Variants in CDC20B observed in about 807,000 individuals in gnomAD.
CDC20B encodes cell division cycle 20B.
CDC20B carries 58 observed loss-of-function variants against 64.1 expected under a neutral mutation model. The observed-to-expected ratio is 0.90, with a 90% CI of 0.73 to 1.13. CDC20B has a LOEUF of 1.13. Ranked by LOEUF, CDC20B falls within the 50% of genes most tolerant of loss-of-function variation. The pLI is 0.00. For missense variants in CDC20B, 597 were observed against 633.0 expected, an observed-to-expected ratio of 0.94 and a Z score of 0.61; for synonymous variants, 243 against 230.6, an observed-to-expected ratio of 1.05 and a Z score of -0.49.
chr5:55,140,010 C>T (rs563031886), intron 5 of CDC20B, among the ~76,000 whole-genome samples: 2 of 151,532 alleles, frequency 1.3e-5, no homozygotes, highest in African/African-American at 4.8e-5. Context: ...CTGAGCAACA[C>T]CAAAAACAAA....
chr5:55,172,868 G>T, intron 1 of CDC20B, 70 bp downstream of exon 1: 1 of 1,428,764 alleles, frequency 7.0e-7, no homozygotes, highest in Non-Finnish European at 9.5e-7. Flanking sequence ...GTCCTAAACA[G>T]ATATTATGAA....
At chr5:55,118,489 T>A (rs1742674224) in intron 11 of CDC20B, among the ~76,000 whole-genome samples, 1 of 152,212 alleles carries the variant, frequency 6.6e-6, no homozygotes, top group Admixed American at 6.5e-5. Context: ...GTACATTCTT[T>A]ATTCTAAGCA....
intron 2 of CDC20B, among the ~76,000 whole-genome samples, chr5:55,157,111 T>C (rs1162580455): frequency 1.3e-5 from 2 of 152,202 alleles, no homozygotes; most frequent in South Asian, 4.1e-4. Flanking sequence ...CTTGCCTTCA[T>C]CATGAACTCA....
intron 2 of CDC20B, among the ~76,000 whole-genome samples, chr5:55,161,899 G>A (rs1207550528): frequency 2.0e-5 from 3 of 152,116 alleles, no homozygotes; most frequent in African/African-American, 7.2e-5. Context: ...AGCTACCTGG[G>A]TTCAAACCCC....
intron 4 of CDC20B, among the ~76,000 whole-genome samples, chr5:55,143,014 T>A (rs1035844898): frequency 6.6e-6 from 1 of 151,846 alleles, no homozygotes; most frequent in East Asian, 1.9e-4. Context: ...CTATAATAAA[T>A]AAAAGATACC....
intron 5 of CDC20B, chr5:55,136,671 T>C (rs191287787): frequency 1.3e-5 from 2 of 152,264 alleles, no homozygotes; most frequent in Admixed American, 6.5e-5. Context: ...AAGCACCCCA[T>C]GGATATGCTT....
intron 8 of CDC20B, among the ~76,000 whole-genome samples, chr5:55,125,966 C>T (rs1176145710): frequency 6.6e-6 from 1 of 152,166 alleles, no homozygotes; most frequent in Non-Finnish European, 1.5e-5. Context: ...TGAAATTACA[C>T]ACATAAAAAG....
intron 2 of CDC20B, chr5:55,163,915 C>T (rs946075179): frequency 1.1e-5 from 6 of 541,168 alleles, no homozygotes; most frequent in Admixed American, 7.3e-5. Context: ...AGTTTCACTT[C>T]GTTTGGGTGT....
chr5:55,127,167 G>T, intron 8 of CDC20B, 90 bp downstream of exon 8: 2 of 1,154,796 alleles, frequency 1.7e-6, no homozygotes, highest in Non-Finnish European at 2.6e-6. Flanking sequence ...TTTTTGATTG[G>T]TTTAGGTTTT....
At chr5:55,129,383 C>T (rs570994963) in intron 6 of CDC20B, among the ~76,000 whole-genome samples, 2 of 152,224 alleles carry the variant, frequency 1.3e-5, no homozygotes, top group East Asian at 1.9e-4. Flanking sequence ...AGCAAACTGG[C>T]GGGGGGTAAG....
intron 2 of CDC20B, chr5:55,164,737 T>C (rs931458889): frequency 6.6e-6 from 1 of 152,244 alleles, no homozygotes; most frequent in Non-Finnish European, 1.5e-5. Flanking sequence ...ATGTAAAATA[T>C]ATATACATAG....
At chr5:55,126,336 T>C (rs1274032417) in intron 8 of CDC20B, 1 of 181,020 alleles carries the variant, frequency 5.5e-6, no homozygotes, top group Non-Finnish European at 1.2e-5. Context: ...CCATCTCTAC[T>C]AAAAATACAA....
chr5:55,171,712 C>T (rs1226606649), intron 2 of CDC20B, among the ~76,000 whole-genome samples: 1 of 152,168 alleles, frequency 6.6e-6, no homozygotes, highest in Admixed American at 6.5e-5. Context: ...AAGCAATCCT[C>T]CTGCCTCAGG....
chr5:55,162,290 GGAGGCT>G (rs888989271), intron 2 of CDC20B, among the ~76,000 whole-genome samples: 4 of 152,132 alleles, frequency 2.6e-5, no homozygotes, highest in African/African-American at 9.7e-5. Flanking sequence ...CAGCTATTCA[GGAGGCT>G]GAGGCAGGAG....
chr5:55,170,457 T>C lies in CDC20B; in HGVS notation c.126+2131A>G, dbSNP rs1744559944. 6.0e-6 allele frequency: 3 copies of C among 499,120 alleles called. 1 individual carries two copies. Among genetic ancestry groups the C allele is most frequent in the South Asian group, 3.0e-5 (2 of 67,550 alleles). The allele number at this position is 499,120 out of a possible 1,614,324, so 30.9% of individuals were successfully genotyped here. A position where few individuals can be genotyped will look rare whatever the true frequency, so the allele number is the denominator to read the frequency against. ...AATGGCAATAATATATTATGGTAAATAGTGGCTTGCTTCATAGCAGAAAGT... is the reference window on the plus strand; with the variant it reads ...AATGGCAATAATATATTATGGTAAACAGTGGCTTGCTTCATAGCAGAAAGT... On this transcript the variant is annotated intron_variant, in intron 2 of 11. Transcript: ENST00000381375.
At chr5:55,170,623 G>T (rs1744565992) in intron 2 of CDC20B, 1 of 534,738 alleles carries the variant, frequency 1.9e-6, no homozygotes, top group Non-Finnish European at 3.8e-6. Context: ...TCACACACAG[G>T]TATCCAGAGC....
chr5:55,149,760 G>T (rs1453873253), intron 2 of CDC20B, among the ~76,000 whole-genome samples: 3 of 152,206 alleles, frequency 2.0e-5, no homozygotes, highest in African/African-American at 7.2e-5. Flanking sequence ...TTGAGGTGAT[G>T]AAAACATTTT....
At chr5:55,166,344 T>C (rs1744384219) in intron 2 of CDC20B, 1 of 152,266 alleles carries the variant, frequency 6.6e-6, no homozygotes, top group Admixed American at 6.5e-5. Context: ...TTTCTTCACT[T>C]ACATCTCTCT....
Position 55,127,247 on chromosome 5 carries a change from C to T in CDC20B, c.989+10G>A, listed in dbSNP as rs72766134. On this transcript the variant is annotated intron_variant, in intron 8 of 11. Coordinates refer to ENST00000381375, the MANE Select transcript of CDC20B (RefSeq NM_001170402.1). ...ACAAACATAACTGTCTCCAACAAGA[C>T]GCTTCTTACCTGCTGAGGATAAAGT... is the stretch of plus-strand genomic sequence containing the variant. 0.19 allele frequency: 311,652 copies of T among 1,607,062 alleles called. 32,011 individuals carry two copies. The highest frequency in any genetic ancestry group is 0.3 in the South Asian group (27,197 of 90,858).
Sources: gnomAD v4.1 joint callset for allele counts (sites outside exome capture counted in the v4.1 genomes callset) on GRCh38, gnomAD v4.1.1 for gene constraint, MANE v1.5 for transcripts, NCBI Gene and HGNC (gene_info 2026-07-23, HGNC 2026-07-21) for gene names.